CMTM8: variants seen among roughly 807,000 people sequenced by gnomAD.
The protein encoded by CMTM8 is CKLF like MARVEL transmembrane domain containing 8, also known as CKLF-like MARVEL transmembrane domain-containing protein 8.
CMTM8 carries 12 observed loss-of-function variants against 18.6 expected under a neutral mutation model. The ratio of observed to expected loss-of-function variants is 0.65; its 90% CI spans 0.41 to 1.05. CMTM8 has a LOEUF of 1.05. CMTM8 is among the 50% of genes least tolerant of loss of function. The pLI, the probability that CMTM8 is intolerant of heterozygous loss-of-function variation, is 0.00. For synonymous variants in CMTM8, 87 were observed against 90.6 expected (o/e 0.96, Z 0.23); for missense variants, 217 against 227.2 (o/e 0.95, Z 0.29).
At chr3:32,260,802 G>A (rs939057903) in intron 1 of CMTM8, among the ~76,000 whole-genome samples, 1 of 151,900 alleles carries the variant, frequency 6.6e-6, no homozygotes, top group East Asian at 1.9e-4. Context: ...ATAACACATA[G>A]ATTAATTTTG....
intron 1 of CMTM8, among the ~76,000 whole-genome samples, chr3:32,315,277 A>C (rs909445719): frequency 4.6e-5 from 7 of 151,806 alleles, no homozygotes; most frequent in East Asian, 1.9e-4. Context: ...TTACAGGCGC[A>C]TGCCACCACA....
rs752203964 is a variant in CMTM8, at chr3:32,298,085, G to A, written c.147+58966G>A. ...TTTTTTTTTTTTTTTGGTTGGGGGT[G>A]GGGGGCAGTGGCTGGAGTCTCGTTC... On this transcript the variant is annotated intron_variant, in intron 1 of 3. Transcript: ENST00000307526. Among the ~76,000 whole-genome samples the A allele has an allele frequency of 6.5e-4, 98 of 150,382 alleles. 3 individuals are homozygous for A. Among genetic ancestry groups the A allele is most frequent in the Admixed American group, 2.9e-3 (44 of 15,082 alleles).
chr3:32,357,077 A>G (rs1403237389), intron 1 of CMTM8, among the ~76,000 whole-genome samples: 1 of 152,108 alleles, frequency 6.6e-6, no homozygotes, highest in African/African-American at 2.4e-5. Context: ...GGGTATATGC[A>G]TGAAAGTTGT....
intron 1 of CMTM8, among the ~76,000 whole-genome samples, chr3:32,357,084 T>C (rs1696829214): frequency 6.6e-6 from 1 of 152,042 alleles, no homozygotes; most frequent in East Asian, 1.9e-4. Context: ...TGCATGAAAG[T>C]TGTAATTGAC....
At chr3:32,336,231 C>CT (rs1696383638) in intron 1 of CMTM8, among the ~76,000 whole-genome samples, 1 of 152,246 alleles carries the variant, frequency 6.6e-6, no homozygotes, top group Admixed American at 6.5e-5. Context: ...ACCTTCCTCC[C>CT]TAGTGCCTAA....
At chr3:32,351,869 A>C (rs955598161) in intron 1 of CMTM8, among the ~76,000 whole-genome samples, 5 of 152,022 alleles carry the variant, frequency 3.3e-5, no homozygotes, top group Admixed American at 6.6e-5. Context: ...GACTTTTAAA[A>C]ATCTATCAGG....
At chr3:32,350,126 A>C (rs1305813113) in intron 1 of CMTM8, among the ~76,000 whole-genome samples, 1 of 152,208 alleles carries the variant, frequency 6.6e-6, no homozygotes, top group Non-Finnish European at 1.5e-5. Flanking sequence ...AGCAGCTTGC[A>C]GTAGAGCAAA....
At chr3:32,364,692 G>A (rs1044456797) in intron 2 of CMTM8, among the ~76,000 whole-genome samples, 1 of 152,164 alleles carries the variant, frequency 6.6e-6, no homozygotes, top group African/African-American at 2.4e-5. Context: ...GTGAACCTAG[G>A]TAGCTATGTC....
At chr3:32,257,589 T>G (rs748209597) in intron 1 of CMTM8, among the ~76,000 whole-genome samples, 1 of 152,200 alleles carries the variant, frequency 6.6e-6, no homozygotes, top group Non-Finnish European at 1.5e-5. Context: ...TTTATTATGG[T>G]TTTAATAGTT....
chr3:32,339,837 C>T (rs768619907), intron 1 of CMTM8, among the ~76,000 whole-genome samples: 21 of 152,122 alleles, frequency 1.4e-4, no homozygotes, highest in South Asian at 4.1e-4. Context: ...GTGGCTGGCG[C>T]CTGTAGTCCC....
intron 1 of CMTM8, among the ~76,000 whole-genome samples, chr3:32,288,714 A>G (rs1486873191): frequency 2.0e-5 from 3 of 152,050 alleles, no homozygotes; most frequent in Non-Finnish European, 2.9e-5. Context: ...GTTAGCCAGG[A>G]TGTTCTCGAT....
chr3:32,276,783 G>T (rs1052835320), intron 1 of CMTM8, among the ~76,000 whole-genome samples: 1 of 152,148 alleles, frequency 6.6e-6, no homozygotes, highest in Non-Finnish European at 1.5e-5. Context: ...TTGTCTGGAT[G>T]AACTTGTTTG....
intron 1 of CMTM8, among the ~76,000 whole-genome samples, chr3:32,339,777 C>A (rs140230520): frequency 6.6e-6 from 1 of 152,090 alleles, no homozygotes; most frequent in Non-Finnish European, 1.5e-5. Flanking sequence ...TCCTGGCTAA[C>A]ACAGAGAAAC....
At chr3:32,266,949 G>C (rs1702354670) in intron 1 of CMTM8, among the ~76,000 whole-genome samples, 1 of 152,146 alleles carries the variant, frequency 6.6e-6, no homozygotes, top group Non-Finnish European at 1.5e-5. Context: ...CAAAATAAAA[G>C]AGGATACAAA....
intron 1 of CMTM8, among the ~76,000 whole-genome samples, chr3:32,247,078 G>A (rs113833366): frequency 3.8e-4 from 58 of 152,196 alleles, no homozygotes; most frequent in African/African-American, 1.3e-3. Context: ...TCTAACCTGC[G>A]TGACAGAGTG....
At chr3:32,294,347 G>A (rs186136431) in intron 1 of CMTM8, among the ~76,000 whole-genome samples, 1 of 152,176 alleles carries the variant, frequency 6.6e-6, no homozygotes, top group African/African-American at 2.4e-5. Flanking sequence ...ATCCTGTGAG[G>A]CTTCCAGATG....
At chr3:32,264,325 C>T (rs867386572) in intron 1 of CMTM8, among the ~76,000 whole-genome samples, 50 of 152,206 alleles carry the variant, frequency 3.3e-4, no homozygotes, top group African/African-American at 1.2e-3. Context: ...AATTTTTAAC[C>T]CAGAATTTCA....
chr3:32,295,103 A>G (rs1009454069), intron 1 of CMTM8, among the ~76,000 whole-genome samples: 1 of 152,070 alleles, frequency 6.6e-6, no homozygotes. Context: ...TAGGAAGTGA[A>G]TGGTGATTTA....
At chr3:32,325,523 C>G (rs1696133083) in intron 1 of CMTM8, among the ~76,000 whole-genome samples, 1 of 152,124 alleles carries the variant, frequency 6.6e-6, no homozygotes, top group Non-Finnish European at 1.5e-5. Context: ...TAAGCCTGGA[C>G]TTTCTAAGCT....
Sources: allele counts gnomAD v4.1 joint callset (sites outside exome capture counted in the v4.1 genomes callset), GRCh38; gene constraint gnomAD v4.1.1; transcripts MANE v1.5; gene names NCBI Gene and HGNC (gene_info 2026-07-23, HGNC 2026-07-21).